The following NCOR1 variants were observed in gnomAD, a reference collection of about 807,000 sequenced individuals.
NCOR1 encodes protein phosphatase 1, regulatory subunit 109.
Under a neutral mutation model 288.1 loss-of-function variants are expected in NCOR1, and 63 were observed. The ratio of observed to expected loss-of-function variants is 0.22; its 90% confidence interval spans 0.18 to 0.27. NCOR1 has a LOEUF of 0.27. Among genes scored for constraint, NCOR1 ranks in the 10% least tolerant of loss-of-function variants. The probability of loss-of-function intolerance (pLI) is 1.00; values close to 1 mark genes in which losing one functional copy is unlikely to be tolerated. For synonymous variants in NCOR1, 1,007 were observed against 1,065.9 expected (o/e 0.94, Z 1.08); for missense variants, 2,397 against 3,019.2 (o/e 0.79, Z 4.83).
At chr17:16,111,421 G>A (rs899212519) in intron 18 of NCOR1, among the ~76,000 whole-genome samples, 13 of 151,970 alleles carry the variant, frequency 8.6e-5, no homozygotes, top group African/African-American at 3.1e-4. Context: ...GGCCAACATG[G>A]TGAAACCCCG....
chr17:16,167,804 G>C (rs2082298948), intron 4 of NCOR1, among the ~76,000 whole-genome samples: 1 of 133,090 alleles, frequency 7.5e-6, no homozygotes, highest in Non-Finnish European at 1.5e-5. Flanking sequence ...AGGTTGCAGT[G>C]AGCATAGATG....
rs763793217 is a variant in NCOR1, at chr17:16,101,578, T to C, written c.2362A>G (p.Ile788Val). The C allele has an allele frequency of 3.1e-6, 5 of 1,614,070 alleles. No individual in the cohort carries two copies. The highest frequency in any genetic ancestry group is 1.7e-5 in the Admixed American group (1 of 59,990). The change falls in exon 20 of 46, where the codon ATC becomes GTC. Residue 788 changes from isoleucine to valine, a missense_variant. Ile to Val is a conservative substitution (Grantham distance 29, BLOSUM62 3). Transcript: ENST00000268712. ...ATCTGCTCTGCTGTCTCAGCACTGA[T>C]GCTGTCATTCACCTGGGTCTCCACA... Reference protein sequence around the residue: ...ESVETQVNDSISAETAEQMDV... With the variant: ...ESVETQVNDSVSAETAEQMDV...
intron 42 of NCOR1, among the ~76,000 whole-genome samples, chr17:16,043,414 A>T (rs2058092151): frequency 6.6e-6 from 1 of 152,202 alleles, no homozygotes; most frequent in African/African-American, 2.4e-5. Flanking sequence ...ATAAAAAAAA[A>T]ATCCCAGACT....
intron 26 of NCOR1, among the ~76,000 whole-genome samples, chr17:16,077,128 G>A (rs961513432): frequency 8.5e-5 from 13 of 152,120 alleles, no homozygotes; most frequent in African/African-American, 2.9e-4. Context: ...TGGCTGTGGT[G>A]GCTTGCGCCT....
intron 9 of NCOR1, among the ~76,000 whole-genome samples, chr17:16,149,013 T>C (rs1246724074): frequency 1.3e-5 from 2 of 151,912 alleles, no homozygotes; most frequent in Non-Finnish European, 2.9e-5. Context: ...CTGCAAGTCA[T>C]AAAAAAATAT....
At chr17:16,204,777 T>A (rs1458397683) in intron 1 of NCOR1, among the ~76,000 whole-genome samples, 1 of 152,252 alleles carries the variant, frequency 6.6e-6, no homozygotes, top group Admixed American at 6.5e-5. Context: ...GCTATTTACA[T>A]TATCTCCATT....
chr17:16,215,048 G>A (rs909019634), intron 1 of NCOR1, among the ~76,000 whole-genome samples: 1 of 152,190 alleles, frequency 6.6e-6, no homozygotes, highest in Non-Finnish European at 1.5e-5. Context: ...TCCCTCGCAG[G>A]CCCTGTAGGC....
intron 11 of NCOR1, among the ~76,000 whole-genome samples, chr17:16,140,997 C>CAAAAAAAAAAAAAAAAAAAAAAAAAAAA (rs372397821): frequency 1.8e-5 from 2 of 113,694 alleles, no homozygotes; most frequent in African/African-American, 3.4e-5. Context: ...TCTCCTATCT[C>CAAAAAAAAAAAAAAAAAAAAAAAAAAAA]AAAAAAAAAA....
intron 14 of NCOR1, among the ~76,000 whole-genome samples, chr17:16,127,322 T>TATGTATGTATATATACATGTATGTATAC (rs777386033): frequency 7.9e-6 from 1 of 125,936 alleles, no homozygotes; most frequent in Non-Finnish European, 1.6e-5. Flanking sequence ...TGTATGTATA[T>TATGTATGTATATATACATGTATGTATAC]ATGTATGTAT....
intron 17 of NCOR1, among the ~76,000 whole-genome samples, chr17:16,119,020 C>CAAAAGT (rs1261471387): frequency 6.6e-6 from 1 of 152,130 alleles, no homozygotes; most frequent in African/African-American, 2.4e-5. Context: ...TGCAAACTGA[C>CAAAAGT]AAAAGTATTT....
chr17:16,164,747 C>T lies in NCOR1; in HGVS notation c.618+232G>A, dbSNP rs549141508. On this transcript the variant is annotated intron_variant, in intron 5 of 45. Transcript: ENST00000268712. ...TTGTATGGAATAGAAAAAAAAAAAT[C>T]AAAAATAGAATGGACAAACAAATTT... is the stretch of plus-strand genomic sequence containing the variant. 36 of 302,852 alleles carry T rather than the reference C, an allele frequency of 1.2e-4. No individual in the cohort carries two copies. The Admixed American group carries it at 1.7e-3, about 14-fold the overall frequency. The allele number at this position is 302,852 out of a possible 1,614,324, so 18.8% of individuals were successfully genotyped here. A position where few individuals can be genotyped will look rare whatever the true frequency, so the allele number is the denominator to read the frequency against.
intron 35 of NCOR1, 137 bp from the exon 36 acceptor site, chr17:16,062,407 C>G: frequency 2.2e-6 from 2 of 914,660 alleles, no homozygotes; most frequent in African/African-American, 3.5e-5. Flanking sequence ...ACTTGATAGT[C>G]TACTTTCTGG....
At chr17:16,211,855 A>G (rs1002503407) in intron 1 of NCOR1, among the ~76,000 whole-genome samples, 1 of 152,238 alleles carries the variant, frequency 6.6e-6, no homozygotes, top group Non-Finnish European at 1.5e-5. Context: ...ACTACATTAC[A>G]GAAGCTTTTC....
chr17:16,081,224 T>C (rs1442301578), intron 23 of NCOR1, among the ~76,000 whole-genome samples: 1 of 149,642 alleles, frequency 6.7e-6, no homozygotes, highest in East Asian at 1.9e-4. Flanking sequence ...GTTTTTTTTT[T>C]TGAGACAGAG....
chr17:16,114,055 G>C (rs1380096608), intron 18 of NCOR1, among the ~76,000 whole-genome samples: 3 of 147,422 alleles, frequency 2.0e-5, no homozygotes, highest in Non-Finnish European at 4.4e-5. Flanking sequence ...AGGTTTAATG[G>C]ACTTACAGTT....
At chr17:16,138,275 A>C (rs558076568) in intron 12 of NCOR1, 63 bp from the exon 13 acceptor site, 70 of 1,416,138 alleles carry the variant, frequency 4.9e-5, no homozygotes, top group Non-Finnish European at 6.4e-5. Context: ...AAAAAAAAAA[A>C]AACTTGGGAA....
At chr17:16,117,514 G>GAAAAA (rs34706253) in intron 18 of NCOR1, among the ~76,000 whole-genome samples, 5 of 103,758 alleles carry the variant, frequency 4.8e-5, no homozygotes, top group African/African-American at 7.3e-5. Context: ...CTGGAGCTCA[G>GAAAAA]AAAAAAAAAA....
At chr17:16,116,052 T>C (rs1471462444) in intron 18 of NCOR1, among the ~76,000 whole-genome samples, 2 of 152,198 alleles carry the variant, frequency 1.3e-5, no homozygotes, top group Non-Finnish European at 2.9e-5. Context: ...GAGGAGCAAG[T>C]AACATCTTGC....
chr17:16,060,610 A>T (rs1313702435), intron 37 of NCOR1, among the ~76,000 whole-genome samples: 1 of 152,202 alleles, frequency 6.6e-6, no homozygotes, highest in African/African-American at 2.4e-5. Context: ...TAATTAAGCT[A>T]GTGGATACTC....
Sources: gnomAD v4.1 joint callset for allele counts (sites outside exome capture counted in the v4.1 genomes callset) on GRCh38, gnomAD v4.1.1 for gene constraint, MANE v1.5 for transcripts, NCBI Gene and HGNC (gene_info 2026-07-23, HGNC 2026-07-21) for gene names.